USP38: variants seen among roughly 807,000 people sequenced by gnomAD.
USP38 encodes the protein ubiquitin specific peptidase 38, also known as ubiquitin carboxyl-terminal hydrolase 38.
In USP38, 49 loss-of-function variants were observed where a neutral mutation model predicts 94.3. That is an observed-to-expected ratio of 0.52 (90% CI 0.41 to 0.66). USP38 has a LOEUF of 0.66. USP38 is among the 30% of genes least tolerant of loss of function. The pLI, the probability that USP38 is intolerant of heterozygous loss-of-function variation, is 0.00. For synonymous variants in USP38, 468 were observed against 463.6 expected (o/e 1.01, Z -0.12); for missense variants, 1,128 against 1,229.4 (o/e 0.92, Z 1.23).
intron 9 of USP38, among the ~76,000 whole-genome samples, chr4:143,219,530 C>G (rs1732270800): frequency 6.6e-6 from 1 of 152,074 alleles, no homozygotes; most frequent in Non-Finnish European, 1.5e-5. Context: ...CTAACAAGTT[C>G]AGGTATGCTG....
intron 2 of USP38, 119 bp from the exon 3 acceptor site, chr4:143,195,597 C>T: frequency 2.7e-6 from 3 of 1,091,896 alleles, no homozygotes; most frequent in Middle Eastern, 5.5e-4. Context: ...GTGCTTTTCA[C>T]CAGCAAATTC....
In USP38 at chr4:143,197,828, T is replaced by C. The variant is rs1367285198; in HGVS notation, c.954T>C (p.Phe318=). The C allele has an allele frequency of 6.2e-7, 1 of 1,611,732 alleles. No homozygotes were observed. Among genetic ancestry groups the C allele is most frequent in the South Asian group, 1.1e-5 (1 of 90,518 alleles). Residue 318 remains phenylalanine (F), a synonymous_variant, in exon 4 of 10, where the codon TTT becomes TTC. Coordinates refer to ENST00000307017, the MANE Select transcript of USP38 (RefSeq NM_032557.6). ...DVTLLKIELV[F]NRLWFPLVRP... ...TGTCTTGTCTTATTTTGAAGGTTTT[T>C]AATCGACTTTGGTTTCCTCTTGTGA...
rs1731182715 is a variant in USP38, at chr4:143,185,391, C to G, written c.-60C>G. 6.6e-7 allele frequency: 1 copy of G among 1,513,238 alleles called. No homozygotes were observed. The highest frequency in any genetic ancestry group is 1.3e-5 in the South Asian group (1 of 75,646). 93.7% of individuals were successfully genotyped at this position (1,513,238 alleles called of 1,614,324 possible). ...TCCGCCCCGGGGCTCTCCTGCCCCA[C>G]CTCGGGGCTGCCGCCACCCGCTCCT... On this transcript the variant is annotated 5_prime_UTR_variant, in exon 1 of 10. Coordinates refer to ENST00000307017, the MANE Select transcript of USP38 (RefSeq NM_032557.6).
intron 7 of USP38, among the ~76,000 whole-genome samples, chr4:143,210,748 G>A (rs1387943178): frequency 6.6e-6 from 1 of 151,846 alleles, no homozygotes; most frequent in Non-Finnish European, 1.5e-5. Flanking sequence ...GCAGTAGTTA[G>A]GACCAGAAGA....
intron 2 of USP38, among the ~76,000 whole-genome samples, chr4:143,192,697 G>C (rs1040687014): frequency 3.9e-5 from 6 of 151,948 alleles, no homozygotes; most frequent in African/African-American, 2.4e-5. Flanking sequence ...CCACTCACTA[G>C]TCACCTGACA....
Position 143,214,836 on chromosome 4 carries a change from G to T in USP38, c.2860G>T (p.Gly954Cys). ...GTATAAAAAACAGCATAGTACTAAT[G>T]GTTTAAGTGGTAATAACCCAACCAG... Reference protein sequence around the residue: ...LLYKKQHSTNGLSGNNPTSGL... With the variant: ...LLYKKQHSTNCLSGNNPTSGL... The change falls in exon 9 of 10, where the codon GGT becomes TGT. Residue 954 changes from glycine to cysteine, a missense_variant. Gly to Cys is a radical substitution (Grantham distance 159). Transcript: ENST00000307017. 2.5e-6 allele frequency: 4 copies of T among 1,613,584 alleles called. No homozygotes were observed. The highest frequency in any genetic ancestry group is 2.5e-6 in the Non-Finnish European group (3 of 1,179,730).
At position 143,186,611 on chromosome 4, in the gene USP38, C is replaced by T. The variant is rs367734089; in HGVS notation, c.682+479C>T. Among the ~76,000 whole-genome samples the T allele has an allele frequency of 9.9e-5, 15 of 151,972 alleles. No individual in the cohort carries two copies. The South Asian group carries it at 1.5e-3, about 15-fold the overall frequency. Reference sequence around the variant, plus strand: ...TTTATTACTGGATTATCCCAGATAACTATGAAGTTTTTAAATAGTGACATT... The same window carrying T: ...TTTATTACTGGATTATCCCAGATAATTATGAAGTTTTTAAATAGTGACATT... On this transcript the variant is annotated intron_variant, in intron 1 of 9. Coordinates refer to ENST00000307017, the MANE Select transcript of USP38 (RefSeq NM_032557.6).
intron 4 of USP38, among the ~76,000 whole-genome samples, chr4:143,200,997 G>A (rs1731700476): frequency 6.6e-6 from 1 of 152,098 alleles, no homozygotes; most frequent in African/African-American, 2.4e-5. Context: ...AACTACCAAT[G>A]ACATTCTTCA....
Position 143,221,984 on chromosome 4 carries a change from A to T in USP38, c.*1528A>T, listed in dbSNP as rs1389708099. The T allele has an allele frequency of 6.6e-6, 1 of 152,082 alleles. No individual in the cohort carries two copies. The highest frequency in any genetic ancestry group is 2.4e-5 in the African/African-American group (1 of 41,452). The allele number at this position is 152,082 out of a possible 1,614,324, so 9.4% of individuals were successfully genotyped here. The stretch of plus-strand genomic sequence containing the variant: ...TCTCCTCCTTATAAATGAATGAACC[A>T]GTTATCATGCTTTTCTGTGGTTTTC... On this transcript the variant is annotated 3_prime_UTR_variant, in exon 10 of 10. Coordinates refer to ENST00000307017, the MANE Select transcript of USP38 (RefSeq NM_032557.6).
At chr4:143,187,767 C>A in intron 1 of USP38, 59 bp from the exon 2 acceptor site, 1 of 1,468,476 alleles carries the variant, frequency 6.8e-7, no homozygotes, top group Non-Finnish European at 9.0e-7. Flanking sequence ...AAGTGTTGTT[C>A]TTTTTAAATA....
chr4:143,202,612 ACCT>A (rs1218407838), intron 4 of USP38, among the ~76,000 whole-genome samples: 1 of 152,116 alleles, frequency 6.6e-6, no homozygotes, highest in Non-Finnish European at 1.5e-5. Flanking sequence ...CATTTTAATA[ACCT>A]CCTAAAGATA....
intron 2 of USP38, among the ~76,000 whole-genome samples, chr4:143,188,889 G>C (rs1731309980): frequency 6.6e-6 from 1 of 152,078 alleles, no homozygotes; most frequent in African/African-American, 2.4e-5. Flanking sequence ...AGTCATTCAT[G>C]TCCTAGTTAA....
At chr4:143,191,096 A>C (rs898192953) in intron 2 of USP38, among the ~76,000 whole-genome samples, 2 of 152,156 alleles carry the variant, frequency 1.3e-5, no homozygotes, top group African/African-American at 4.8e-5. Context: ...TCTTATACAG[A>C]AAATGTAACT....
At chr4:143,194,321 T>G (rs1731481884) in intron 2 of USP38, among the ~76,000 whole-genome samples, 1 of 152,158 alleles carries the variant, frequency 6.6e-6, no homozygotes, top group South Asian at 2.1e-4. Flanking sequence ...AATTTACAGG[T>G]GAGGAAACAG....
In USP38 at chr4:143,212,305, T is replaced by C. The variant is rs202167557; in HGVS notation, c.1498-13T>C. On this transcript the variant is annotated splice_polypyrimidine_tract_variant and intron_variant, in intron 7 of 9. Transcript: ENST00000307017. ...GAATCACTTCCTTATATTTTCTCAA[T>C]TGCTCTCAAAAGAGGGAAGCATACG... The C allele has an allele frequency of 1.0e-3, 1,592 of 1,590,640 alleles. 7 individuals are homozygous for C. Among genetic ancestry groups the C allele is most frequent in the South Asian group, 9.5e-3 (833 of 88,064 alleles).
intron 4 of USP38, among the ~76,000 whole-genome samples, chr4:143,202,628 A>G (rs1188616106): frequency 2.0e-5 from 3 of 152,094 alleles, no homozygotes; most frequent in Non-Finnish European, 4.4e-5. Flanking sequence ...TAAAGATATG[A>G]TTGGCTCTGG....
Position 143,185,968 on chromosome 4 carries a change from G to A in USP38, c.518G>A (p.Arg173Gln), listed in dbSNP as rs199547940. ...ATCACGTTCTGTCAACAGCTGGTTC[G>A]AACGATAGGCCATTTCCAGTGCGTG... ...LSITFCQQLV[R>Q]TIGHFQCVST... is the part of the protein sequence containing the mutation. The change falls in exon 1 of 10, where the codon CGA becomes CAA. Residue 173 changes from arginine (R) to glutamine (Q), a missense_variant. Transcript: ENST00000307017. 7.2e-5 allele frequency: 117 copies of A among 1,614,182 alleles called. No homozygotes were observed. The highest frequency in any genetic ancestry group is 1.0e-4 in the Admixed American group (6 of 60,028).
intron 8 of USP38, among the ~76,000 whole-genome samples, chr4:143,213,121 C>CCACTT (rs1732071845): frequency 6.6e-6 from 1 of 152,148 alleles, no homozygotes; most frequent in South Asian, 2.1e-4. Flanking sequence ...TGTCGCCTGA[C>CCACTT]CACTTAATTA....
intron 3 of USP38, 53 bp from the exon 4 acceptor site, chr4:143,197,770 G>A: frequency 1.6e-6 from 2 of 1,269,394 alleles, no homozygotes; most frequent in South Asian, 1.2e-5. Context: ...ACCACTGTTG[G>A]ATTAATGATT....
Sources: gnomAD v4.1 joint callset for allele counts (sites outside exome capture counted in the v4.1 genomes callset) on GRCh38, gnomAD v4.1.1 for gene constraint, MANE v1.5 for transcripts, NCBI Gene and HGNC (gene_info 2026-07-23, HGNC 2026-07-21) for gene names.